Variants in SGCD observed in about 807,000 individuals in gnomAD.
The protein encoded by SGCD is sarcoglycan delta, also known as delta-sarcoglycan.
SGCD carries 18 observed loss-of-function variants against 36.6 expected under a neutral mutation model. The observed-to-expected ratio is 0.49, with a 90% CI of 0.34 to 0.73. The LOEUF (loss-of-function observed/expected upper bound fraction) is 0.73. Ranked by LOEUF, SGCD falls within the 30% of genes least tolerant of loss-of-function variation. The pLI, the probability that SGCD is intolerant of heterozygous loss-of-function variation, is 0.01. For missense variants in SGCD, 387 were observed against 346.7 expected (o/e 1.12, Z -0.92); for synonymous variants, 133 against 130.6 (o/e 1.02, Z -0.12).
chr5:156,490,395 A>C (rs1755881553), intron 3 of SGCD, among the ~76,000 whole-genome samples: 2 of 152,024 alleles, frequency 1.3e-5, no homozygotes, highest in Non-Finnish European at 2.9e-5. Flanking sequence ...AGACAAGGAC[A>C]CAAGAAAAAT....
intron 1 of SGCD, among the ~76,000 whole-genome samples, chr5:156,045,193 C>T (rs185720483): frequency 4.6e-5 from 7 of 152,266 alleles, no homozygotes; most frequent in Non-Finnish European, 1.0e-4. Flanking sequence ...GACCTAATCA[C>T]CTCTTAAAAA....
intron 6 of SGCD, among the ~76,000 whole-genome samples, chr5:156,617,659 C>A (rs764954700): frequency 1.3e-5 from 2 of 152,150 alleles, no homozygotes; most frequent in African/African-American, 2.4e-5. Context: ...AGTCTATTCA[C>A]GTAACTTAAA....
chr5:156,735,207 C>A (rs1255549230), intron 7 of SGCD, among the ~76,000 whole-genome samples: 1 of 152,160 alleles, frequency 6.6e-6, no homozygotes, highest in Non-Finnish European at 1.5e-5. Flanking sequence ...AGGCCTGAAA[C>A]CTCTGTCAGC....
chr5:155,830,457 T>A, the SGCD span, among the ~76,000 whole-genome samples: 2 of 152,182 alleles, frequency 1.3e-5, no homozygotes, highest in Admixed American at 1.3e-4. Flanking sequence ...AGTCATTTTA[T>A]GGGGTAGGGA....
rs182865280 is a variant in SGCD at position 155,955,332 on chromosome 5, C to T, written c.-282+84908C>T. On this transcript the variant is annotated intron_variant, in intron 1 of 9. Transcript: ENST00000517913. The stretch of plus-strand genomic sequence containing the variant: ...AAATTTGAAGTATTTAGAATAGTGG[C>T]TGGACTAGAGTAAGTGCTAAATAAA... Among the ~76,000 whole-genome samples, 250 of 152,208 alleles carry T rather than the reference C, an allele frequency of 1.6e-3. 1 individual carries two copies. The highest frequency in any genetic ancestry group is 2.8e-3 in the Non-Finnish European group (190 of 68,002).
At chr5:156,712,031 G>A (rs1011732542) in intron 7 of SGCD, among the ~76,000 whole-genome samples, 2 of 152,204 alleles carry the variant, frequency 1.3e-5, no homozygotes, top group African/African-American at 4.8e-5. Context: ...TGGTGGGAGT[G>A]TAGCAGTGAT....
intron 1 of SGCD, among the ~76,000 whole-genome samples, chr5:156,047,407 C>T (rs955553597): frequency 6.6e-6 from 1 of 152,128 alleles, no homozygotes; most frequent in African/African-American, 2.4e-5. Context: ...GAAGTCAATG[C>T]CTGGCCTCAT....
At chr5:156,740,911 C>G (rs1460681909) in intron 7 of SGCD, among the ~76,000 whole-genome samples, 1 of 152,190 alleles carries the variant, frequency 6.6e-6, no homozygotes, top group Non-Finnish European at 1.5e-5. Flanking sequence ...AATACACCAA[C>G]TTTATACCTT....
intron 1 of SGCD, among the ~76,000 whole-genome samples, chr5:156,024,452 T>C (rs371105191): frequency 7.9e-5 from 12 of 152,146 alleles, no homozygotes; most frequent in South Asian, 4.2e-4. Context: ...ATTTCCAACC[T>C]AGTTGTCTGG....
intron 4 of SGCD, among the ~76,000 whole-genome samples, chr5:156,562,611 C>T (rs566471871): frequency 1.8e-4 from 28 of 152,072 alleles, no homozygotes; most frequent in Middle Eastern, 3.4e-3. Flanking sequence ...GGAGAGGAAA[C>T]GCAGTATTTG....
the SGCD span, among the ~76,000 whole-genome samples, chr5:155,852,613 A>G: frequency 2.6e-5 from 4 of 152,318 alleles, no homozygotes; most frequent in South Asian, 6.2e-4. Context: ...CTCCTGCAGT[A>G]GAAAAGTTAA....
chr5:156,238,726 A>G (rs1219937895), intron 3 of SGCD, among the ~76,000 whole-genome samples: 1 of 152,210 alleles, frequency 6.6e-6, no homozygotes, highest in Non-Finnish European at 1.5e-5. Flanking sequence ...ACTGATCCCC[A>G]GGACCACAGA....
intron 1 of SGCD, among the ~76,000 whole-genome samples, chr5:155,960,675 G>A (rs538082764): frequency 6.6e-6 from 1 of 152,220 alleles, no homozygotes; most frequent in African/African-American, 2.4e-5. Context: ...CATTTTAGAA[G>A]CACCTTCTTC....
intron 1 of SGCD, among the ~76,000 whole-genome samples, chr5:156,094,525 G>T (rs1223358931): frequency 6.6e-6 from 1 of 152,090 alleles, no homozygotes; most frequent in African/African-American, 2.4e-5. Context: ...ATTTTAGCTG[G>T]ATTAGGGTCC....
At chr5:156,412,835 C>T (rs1772837096) in intron 3 of SGCD, among the ~76,000 whole-genome samples, 1 of 147,424 alleles carries the variant, frequency 6.8e-6, no homozygotes, top group African/African-American at 2.5e-5. Flanking sequence ...GTCGCCCAGG[C>T]CGGACTGCGG....
intron 1 of SGCD, among the ~76,000 whole-genome samples, chr5:156,037,317 A>T (rs933062180): frequency 1.3e-5 from 2 of 152,156 alleles, no homozygotes; most frequent in Admixed American, 1.3e-4. Flanking sequence ...GGCAGAAGGG[A>T]ACACTGTGTG....
the SGCD span, among the ~76,000 whole-genome samples, chr5:155,785,740 GCTGA>G: frequency 6.6e-6 from 1 of 151,972 alleles, no homozygotes; most frequent in Non-Finnish European, 1.5e-5. Flanking sequence ...AATAACTCAG[GCTGA>G]CTTTGTCACC....
chr5:156,507,333 G>A (rs1347073356), intron 3 of SGCD, among the ~76,000 whole-genome samples: 1 of 152,190 alleles, frequency 6.6e-6, no homozygotes. Flanking sequence ...GAAGATGGAA[G>A]TGAGGCCATG....
At position 156,207,580 on chromosome 5, in the gene SGCD, A is replaced by C. The variant is rs190967780; in HGVS notation, c.-44+83561A>C. Reference sequence around the variant, plus strand: ...TTTAAAAATCTTTCTTAAAATTAGTAGTTTGGTGCAAAAGTAACTGCAGTA... The same window carrying C: ...TTTAAAAATCTTTCTTAAAATTAGTCGTTTGGTGCAAAAGTAACTGCAGTA... On this transcript the variant is annotated intron_variant, in intron 3 of 9. Coordinates refer to the SGCD transcript ENST00000517913. Among the ~76,000 whole-genome samples the C allele has an allele frequency of 2.1e-3, 326 of 152,304 alleles. 1 individual carries two copies. The highest frequency in any genetic ancestry group is 7.3e-3 in the Admixed American group (112 of 15,308).
Sources: gnomAD v4.1 joint callset for allele counts (sites outside exome capture counted in the v4.1 genomes callset) on GRCh38, gnomAD v4.1.1 for gene constraint, MANE v1.5 for transcripts, NCBI Gene and HGNC (gene_info 2026-07-23, HGNC 2026-07-21) for gene names.